Variants in UBN2 observed in about 807,000 individuals in gnomAD.
UBN2 encodes ubinuclein-2.
Under a neutral mutation model 120.2 loss-of-function variants are expected in UBN2, and 35 were observed. The observed-to-expected ratio is 0.29, with a 90% CI of 0.22 to 0.39. UBN2 has a LOEUF of 0.39. UBN2 is among the 10% of genes least tolerant of loss of function. The pLI, the probability that UBN2 is intolerant of heterozygous loss-of-function variation, is 1.00. For synonymous variants in UBN2, 661 were observed against 648.7 expected (o/e 1.02, Z -0.29); for missense variants, 1,693 against 1,663.2 (o/e 1.02, Z -0.31).
intron 3 of UBN2, among the ~76,000 whole-genome samples, chr7:139,254,292 CA>C (rs894512339): frequency 1.3e-5 from 2 of 150,100 alleles, no homozygotes; most frequent in Admixed American, 6.6e-5. Context: ...GACTCCGTCT[CA>C]AAAAAAACAA....
intron 12 of UBN2, chr7:139,276,927 G>GGT (rs1203989216): frequency 6.5e-6 from 1 of 153,732 alleles, no homozygotes. Flanking sequence ...AGCCAGGCAT[G>GGT]GTGTGTGTGC....
rs760915939 is a variant in UBN2 at position 139,259,308 on chromosome 7, G to A, written c.843G>A (p.Arg281=). 1.2e-6 allele frequency: 2 copies of A among 1,613,834 alleles called. No individual in the cohort carries two copies. Among genetic ancestry groups the A allele is most frequent in the Admixed American group, 1.7e-5 (1 of 59,974 alleles). The change falls in exon 5 of 18, where the codon CGG becomes CGA. Residue 281 remains arginine (R), a synonymous_variant. Coordinates refer to ENST00000473989, the MANE Select transcript of UBN2 (RefSeq NM_173569.4). Reference sequence around the variant, plus strand: ...AAGATGATATTGAGATGAAGAAGCGGAAGCGGAAAGAGGAAGGGGAAAAGG... The same window carrying A: ...AAGATGATATTGAGATGAAGAAGCGAAAGCGGAAAGAGGAAGGGGAAAAGG... The part of the protein sequence containing the change: ...IKEDDIEMKK[R]KRKEEGEKEK...
chr7:139,275,976 C>G (rs1218535125), intron 11 of UBN2, 121 bp from the exon 12 acceptor site: 3 of 766,188 alleles, frequency 3.9e-6, no homozygotes, highest in Non-Finnish European at 4.3e-6. Flanking sequence ...ACCATTATAA[C>G]TTTTACTTGG....
chr7:139,266,279 C>A, intron 6 of UBN2, 54 bp from the exon 7 acceptor site: 5 of 1,121,520 alleles, frequency 4.5e-6, no homozygotes, highest in South Asian at 1.4e-5. Context: ...CCTAAGAATG[C>A]AAAATAGAGT....
In UBN2 at chr7:139,281,320, A is replaced by G. The variant is rs544497863; in HGVS notation, c.2068-685A>G. 2.6e-5 allele frequency among the ~76,000 whole-genome samples: 4 copies of G among 152,260 alleles called. No homozygotes were observed. In the South Asian group the frequency reaches 6.2e-4, roughly 24 times the overall value. ...TACTGTAACTCCCCATAGTGTTTCT[A>G]GTTATAAAGATAAGATAAGGAAATG... On this transcript the variant is annotated intron_variant, in intron 13 of 17. Transcript: ENST00000473989.
the UBN2 span, among the ~76,000 whole-genome samples, chr7:139,318,923 G>C: frequency 1.3e-5 from 2 of 152,056 alleles, no homozygotes; most frequent in Non-Finnish European, 2.9e-5. Flanking sequence ...GGACTCTTGC[G>C]GGGGTGGTTC....
At chr7:139,310,816 T>C (rs1798437885), downstream of UBN2, among the ~76,000 whole-genome samples, 1 of 152,208 alleles carries the variant, frequency 6.6e-6, no homozygotes, top group African/African-American at 2.4e-5. Context: ...ATACACTGTA[T>C]CTAGCATTTT....
the UBN2 span, among the ~76,000 whole-genome samples, chr7:139,325,916 G>A: frequency 6.6e-6 from 1 of 152,006 alleles, no homozygotes; most frequent in Non-Finnish European, 1.5e-5. Context: ...CATTGCACCG[G>A]GCGGTGGCTC....
At chr7:139,243,001 T>C (rs1394552427) in intron 2 of UBN2, among the ~76,000 whole-genome samples, 1 of 152,242 alleles carries the variant, frequency 6.6e-6, no homozygotes, top group Non-Finnish European at 1.5e-5. Flanking sequence ...ATCAGGGTCA[T>C]TCTTGCTCTG....
intron 11 of UBN2, 39 bp downstream of exon 11, chr7:139,274,113 T>G (rs768572909): frequency 6.5e-7 from 1 of 1,543,686 alleles, no homozygotes; most frequent in Non-Finnish European, 8.7e-7. Context: ...TTTATTTTAT[T>G]ATTATTGCTG....
At chr7:139,271,491 C>T (rs1213476298) in intron 8 of UBN2, among the ~76,000 whole-genome samples, 1 of 151,410 alleles carries the variant, frequency 6.6e-6, no homozygotes, top group East Asian at 2.0e-4. Context: ...GTGGCTGAGG[C>T]ACGATAATCA....
intron 6 of UBN2, 80 bp downstream of exon 6, chr7:139,261,821 C>T (rs1315642117): frequency 1.1e-5 from 15 of 1,378,858 alleles, no homozygotes; most frequent in Non-Finnish European, 1.4e-5. Context: ...TTTTTATTTT[C>T]CACATAACAC....
chr7:139,312,472 CA>C (rs770134716), downstream of UBN2, among the ~76,000 whole-genome samples: 22 of 152,160 alleles, frequency 1.4e-4, no homozygotes, highest in Non-Finnish European at 2.9e-4. Context: ...TCCTTATTAC[CA>C]AAAACAAGGT....
rs1797690761 is a variant in UBN2 at position 139,283,856 on chromosome 7, T to C, written c.2951T>C (p.Leu984Ser). The C allele has an allele frequency of 1.2e-6, 2 of 1,614,030 alleles. No individual in the cohort carries two copies. The highest frequency in any genetic ancestry group is 1.3e-5 in the African/African-American group (1 of 74,896). ...AAGCCACTTATGTACCGCCTTCCCTTATCTACCCCCTCACCTGGAAATGGT... is the reference window on the plus strand; with the variant it reads ...AAGCCACTTATGTACCGCCTTCCCTCATCTACCCCCTCACCTGGAAATGGT... ...SDKPLMYRLP[L>S]STPSPGNGSQ... is the part of the protein sequence containing the mutation. The change falls in exon 15 of 18, where the codon TTA becomes TCA. Residue 984 changes from leucine to serine, a missense_variant. Coordinates refer to ENST00000473989, the MANE Select transcript of UBN2 (RefSeq NM_173569.4).
At chr7:139,264,707 G>C (rs1331682507) in intron 6 of UBN2, among the ~76,000 whole-genome samples, 1 of 152,098 alleles carries the variant, frequency 6.6e-6, no homozygotes, top group Non-Finnish European at 1.5e-5. Flanking sequence ...TCCTGCCTCA[G>C]CCTCCCAGGT....
In UBN2 at chr7:139,231,538, CGAGGCCGAGTACCCGGGGCCCGAGCGT is replaced by C. The variant is rs1247831999; in HGVS notation, c.58_84del (p.Ala20_Glu28del). ...TTAGCTTGTCACCGGTGCGGCGGCG[CGAGGCCGAGTACCCGGGGCCCGAGCGT>C]GAGCCCGAGTACCCCCGCGAGCCCC... On this transcript the variant is annotated inframe_deletion, in exon 1 of 18. Coordinates refer to ENST00000473989, the MANE Select transcript of UBN2 (RefSeq NM_173569.4). 2 of 1,422,906 alleles carry C rather than the reference CGAGGCCGAGTACCCGGGGCCCGAGCGT, an allele frequency of 1.4e-6. No individual in the cohort carries two copies. The highest frequency in any genetic ancestry group is 1.5e-5 in the South Asian group (1 of 68,886). The allele number at this position is 1,422,906 out of a possible 1,614,324, so 88.1% of individuals were successfully genotyped here. A position where few individuals can be genotyped will look rare whatever the true frequency, so the allele number is the denominator to read the frequency against.
At position 139,261,717 on chromosome 7, in the gene UBN2, A is replaced by G. The variant is rs1194524674; in HGVS notation, c.1371A>G (p.Glu457=). Residue 457 remains glutamate, a synonymous_variant, in exon 6 of 18, where the codon GAA becomes GAG. Transcript: ENST00000473989. The part of the protein sequence containing the change: ...TLPEGLPVLL[E]KRIEDLRVAA... ...CAGAGGGTCTACCTGTACTTCTTGA[A>G]AAACGTATCGAAGACCTTCGTGTAG... is the stretch of plus-strand genomic sequence containing the variant. 6.2e-7 allele frequency: 1 copy of G among 1,612,248 alleles called. No individual in the cohort carries two copies. The highest frequency in any genetic ancestry group is 1.3e-5 in the African/African-American group (1 of 74,902).
the UBN2 span, among the ~76,000 whole-genome samples, chr7:139,325,781 G>A: frequency 8.5e-5 from 13 of 152,268 alleles, no homozygotes; most frequent in African/African-American, 2.2e-4. Flanking sequence ...CCACAGTTTC[G>A]CTGGGCATAG....
chr7:139,266,245 A>G (rs913479638), intron 6 of UBN2, 88 bp from the exon 7 acceptor site: 4 of 794,958 alleles, frequency 5.0e-6, no homozygotes, highest in East Asian at 2.8e-5. Flanking sequence ...AAAAAAAAAA[A>G]GAAAAAAACC....
Sources: allele counts gnomAD v4.1 joint callset (sites outside exome capture counted in the v4.1 genomes callset), GRCh38; gene constraint gnomAD v4.1.1; transcripts MANE v1.5; gene names NCBI Gene and HGNC (gene_info 2026-07-23, HGNC 2026-07-21).